Variants in MROH9 observed in about 807,000 individuals in gnomAD.
MROH9 encodes the protein maestro heat like repeat family member 9, also known as maestro heat-like repeat-containing protein family member 9.
Under a neutral mutation model 98.2 loss-of-function variants are expected in MROH9, and 92 were observed. That is an observed-to-expected ratio of 0.94 (90% CI 0.79 to 1.11). The LOEUF (loss-of-function observed/expected upper bound fraction) is 1.11. Ranked by LOEUF, MROH9 falls within the 50% of genes most tolerant of loss-of-function variation. The pLI is 0.00. For missense variants in MROH9, 1,057 were observed against 1,014.8 expected (o/e 1.04, Z -0.57); for synonymous variants, 397 against 368.9 (o/e 1.08, Z -0.87).
intron 20 of MROH9, among the ~76,000 whole-genome samples, chr1:171,026,769 A>G (rs894470750): frequency 6.6e-6 from 1 of 152,238 alleles, no homozygotes; most frequent in Non-Finnish European, 1.5e-5. Context: ...AACAAACCTT[A>G]GAAAATATGT....
chr1:171,016,280 G>A lies in MROH9; in HGVS notation c.1852G>A (p.Val618Met), dbSNP rs1652324958. The change falls in exon 17 of 22, where the codon GTG (valine) becomes ATG (methionine). Residue 618 changes from valine (V) to methionine (M), a missense_variant. Val to Met is a conservative substitution (Grantham distance 21, BLOSUM62 1). Coordinates refer to ENST00000367759, the MANE Select transcript of MROH9 (RefSeq NM_001163629.2). Reference protein sequence around the residue: ...LRRLLNELDKVTYSLGTRIGS... With the variant: ...LRRLLNELDKMTYSLGTRIGS... ...AAGGCTTTTAAACGAACTGGACAAAGTGACCTACTCTTTGGGTACCAGAAT... is the reference window on the plus strand; with the variant it reads ...AAGGCTTTTAAACGAACTGGACAAAATGACCTACTCTTTGGGTACCAGAAT... 1.9e-6 allele frequency: 3 copies of A among 1,538,962 alleles called. No homozygotes were observed. The highest frequency in any genetic ancestry group is 2.6e-6 in the Non-Finnish European group (3 of 1,141,170).
In MROH9 at chr1:170,995,515, C is replaced by T. The variant is rs146017765; in HGVS notation, c.1321C>T (p.Leu441Phe). 18 of 1,613,224 alleles carry T rather than the reference C, an allele frequency of 1.1e-5. No homozygotes were observed. Among genetic ancestry groups the T allele is most frequent in the Non-Finnish European group, 1.5e-5 (18 of 1,179,454 alleles). Residue 441 changes from leucine to phenylalanine, a missense_variant, in exon 13 of 22, where the codon CTC (leucine) becomes TTC (phenylalanine). Leu to Phe is a conservative substitution (Grantham distance 22, BLOSUM62 0). Transcript: ENST00000367759. ...CTACAACAGTGAGCTGAAACCGATA[C>T]TCAAGGACAGGGCTTTGTGAGTTAA... ...VFYNSELKPI[L>F]KDRALYAQDA...
At chr1:171,050,192 A>C (rs1220690606) in intron 20 of MROH9, among the ~76,000 whole-genome samples, 2 of 152,174 alleles carry the variant, frequency 1.3e-5, no homozygotes, top group Non-Finnish European at 1.5e-5. Flanking sequence ...AAGACTTACT[A>C]AATTTCTTTA....
intron 6 of MROH9, among the ~76,000 whole-genome samples, chr1:170,963,911 T>C (rs1433238483): frequency 6.6e-6 from 1 of 152,018 alleles, no homozygotes; most frequent in Non-Finnish European, 1.5e-5. Flanking sequence ...AGTTTATCTA[T>C]ATAAAAACCT....
At chr1:171,063,987 G>A in intron 21 of MROH9, 112 bp from the exon 22 acceptor site, 1 of 1,052,606 alleles carries the variant, frequency 9.5e-7, no homozygotes, top group Non-Finnish European at 1.4e-6. Context: ...ATGCAGAGGA[G>A]AGATGGAGAG....
intron 3 of MROH9, among the ~76,000 whole-genome samples, chr1:170,955,253 A>G (rs542190502): frequency 7.2e-5 from 11 of 152,226 alleles, no homozygotes; most frequent in African/African-American, 2.6e-4. Flanking sequence ...CGATTTTGCA[A>G]TTGTGAATCA....
At chr1:171,005,284 T>C (rs1307998882) in intron 15 of MROH9, among the ~76,000 whole-genome samples, 1 of 152,148 alleles carries the variant, frequency 6.6e-6, no homozygotes, top group Non-Finnish European at 1.5e-5. Context: ...TTACCCAGGT[T>C]GATCTCAAAC....
chr1:170,977,389 T>C (rs1388790816), intron 8 of MROH9, among the ~76,000 whole-genome samples: 1 of 152,202 alleles, frequency 6.6e-6, no homozygotes, highest in Non-Finnish European at 1.5e-5. Context: ...TTGAGTATAG[T>C]CAGTAGACTT....
chr1:171,034,182 TGAAGA>T (rs1653022662), intron 20 of MROH9, among the ~76,000 whole-genome samples: 1 of 152,150 alleles, frequency 6.6e-6, no homozygotes, highest in African/African-American at 2.4e-5. Flanking sequence ...AATTCCTAAG[TGAAGA>T]GAAAATTGTG....
At chr1:170,964,717 A>T (rs975001609) in intron 6 of MROH9, among the ~76,000 whole-genome samples, 1 of 152,078 alleles carries the variant, frequency 6.6e-6, no homozygotes, top group African/African-American at 2.4e-5. Flanking sequence ...TGGCAGAGGA[A>T]TTCTGGAATA....
Position 170,965,274 on chromosome 1 carries a change from C to A in MROH9, c.480+19C>A, listed in dbSNP as rs528532461. ...AAAATACGTAAGTCACAGAATATAA[C>A]AATGCCACCTGATTCTGAAGACTGC... is the stretch of plus-strand genomic sequence containing the variant. On this transcript the variant is annotated intron_variant, in intron 7 of 21. Coordinates refer to ENST00000367759, the MANE Select transcript of MROH9 (RefSeq NM_001163629.2). 1,076 of 1,487,816 alleles carry A rather than the reference C, an allele frequency of 7.2e-4. 2 individuals are homozygous for A. The highest frequency in any genetic ancestry group is 9.7e-4 in the Non-Finnish European group (1,031 of 1,066,552). The allele number at this position is 1,487,816 out of a possible 1,614,324, so 92.2% of individuals were successfully genotyped here. A position where few individuals can be genotyped will look rare whatever the true frequency, so the allele number is the denominator to read the frequency against.
intron 10 of MROH9, among the ~76,000 whole-genome samples, chr1:170,987,711 T>C (rs1651205611): frequency 6.6e-6 from 1 of 152,232 alleles, no homozygotes; most frequent in Admixed American, 6.5e-5. Flanking sequence ...CATGCATACG[T>C]ATTACATTCT....
intron 20 of MROH9, among the ~76,000 whole-genome samples, chr1:171,034,977 A>G (rs1653049606): frequency 2.0e-5 from 3 of 152,320 alleles, no homozygotes; most frequent in African/African-American, 7.2e-5. Context: ...GTGCAACGAC[A>G]ATTGGAAGTG....
chr1:170,968,259 A>G (rs9426918), intron 7 of MROH9, among the ~76,000 whole-genome samples: 12,161 of 152,284 alleles, frequency 0.08, 624 homozygotes, highest in Non-Finnish European at 0.11. Context: ...AATTGAAAAC[A>G]TGTACAGAAG....
At chr1:170,991,726 C>T (rs577063619) in intron 11 of MROH9, among the ~76,000 whole-genome samples, 1 of 152,094 alleles carries the variant, frequency 6.6e-6, no homozygotes, top group African/African-American at 2.4e-5. Context: ...TTAATTAGTT[C>T]ATTTTTATTT....
At chr1:171,051,060 T>A (rs1296630094) in intron 20 of MROH9, among the ~76,000 whole-genome samples, 1 of 152,198 alleles carries the variant, frequency 6.6e-6, no homozygotes, top group Non-Finnish European at 1.5e-5. Flanking sequence ...GATTTGCTAG[T>A]ATTTTGTTGA....
At chr1:171,010,021 C>T (rs1652097202) in intron 15 of MROH9, among the ~76,000 whole-genome samples, 1 of 152,122 alleles carries the variant, frequency 6.6e-6, no homozygotes, top group African/African-American at 2.4e-5. Context: ...CATAGGTATA[C>T]ACATGACATG....
intron 1 of MROH9, among the ~76,000 whole-genome samples, chr1:170,943,797 GA>G (rs903758484): frequency 1.4e-4 from 21 of 151,574 alleles, no homozygotes; most frequent in African/African-American, 4.8e-4. Context: ...GTTTTAATGT[GA>G]AAAAAAATCA....
intron 15 of MROH9, among the ~76,000 whole-genome samples, chr1:171,001,128 CTTCTT>C (rs1250049068): frequency 6.6e-6 from 1 of 152,016 alleles, no homozygotes; most frequent in Non-Finnish European, 1.5e-5. Flanking sequence ...GATTTTCTGT[CTTCTT>C]TTCTTTGTTA....
Sources: allele counts gnomAD v4.1 joint callset (sites outside exome capture counted in the v4.1 genomes callset), GRCh38; gene constraint gnomAD v4.1.1; transcripts MANE v1.5; gene names NCBI Gene and HGNC (gene_info 2026-07-23, HGNC 2026-07-21).